The following PARD3 variants were observed in gnomAD, a reference collection of about 807,000 sequenced individuals.
PARD3 encodes the protein par-3 family cell polarity regulator, also known as partitioning defective 3 homolog.
PARD3 carries 75 observed loss-of-function variants against 155.4 expected under a neutral mutation model. The observed-to-expected ratio is 0.48, with a 90% CI of 0.40 to 0.58. PARD3 has a LOEUF of 0.58. Ranked by LOEUF, PARD3 falls within the 20% of genes least tolerant of loss-of-function variation. The pLI is 0.00. For synonymous variants in PARD3, 576 were observed against 610.5 expected (o/e 0.94, Z 0.83); for missense variants, 1,642 against 1,721.7 (o/e 0.95, Z 0.82).
chr10:34,254,434 C>T (rs1954539533), intron 22 of PARD3, among the ~76,000 whole-genome samples: 1 of 151,862 alleles, frequency 6.6e-6, no homozygotes, highest in Admixed American at 6.6e-5. Flanking sequence ...GATAAAGTTA[C>T]ATTTGTTATA....
At chr10:34,264,586 C>G (rs1005386497) in intron 22 of PARD3, among the ~76,000 whole-genome samples, 1 of 152,090 alleles carries the variant, frequency 6.6e-6, no homozygotes, top group Non-Finnish European at 1.5e-5. Flanking sequence ...CAAAATGAGT[C>G]AGCCCCATTT....
At chr10:34,655,456 C>T (rs1308953685) in intron 2 of PARD3, among the ~76,000 whole-genome samples, 1 of 152,088 alleles carries the variant, frequency 6.6e-6, no homozygotes, top group African/African-American at 2.4e-5. Context: ...GAGAGAAGTT[C>T]ATGACATCAC....
chr10:34,631,896 C>T (rs942215174), intron 2 of PARD3, among the ~76,000 whole-genome samples: 2 of 152,192 alleles, frequency 1.3e-5, no homozygotes, highest in East Asian at 1.9e-4. Flanking sequence ...CATGTCCAGC[C>T]GCCGCTGAGG....
At chr10:34,639,469 G>C (rs564738145) in intron 2 of PARD3, among the ~76,000 whole-genome samples, 1 of 152,166 alleles carries the variant, frequency 6.6e-6, no homozygotes, top group Non-Finnish European at 1.5e-5. Flanking sequence ...CATGCCCTAG[G>C]GCACATCCCC....
At chr10:34,446,467 A>G (rs1429380690) in intron 5 of PARD3, among the ~76,000 whole-genome samples, 1 of 152,164 alleles carries the variant, frequency 6.6e-6, no homozygotes, top group African/African-American at 2.4e-5. Flanking sequence ...TTGCTGGATG[A>G]GTAAACTGAT....
Position 34,496,221 on chromosome 10 carries a change from A to AG in PARD3, c.403+20757_403+20758insC, listed in dbSNP as rs532753063. On this transcript the variant is annotated intron_variant, in intron 3 of 24. Coordinates refer to ENST00000374788, the MANE Select transcript of PARD3 (RefSeq NM_001184785.2). ...CATGTCTCAAAAGGGAAGAAGAAGA[A>AG]AAAAAAAAAAGAAACAAAAACAAAA... Among the ~76,000 whole-genome samples, 186 of 149,380 alleles carry AG rather than the reference A, an allele frequency of 1.2e-3. 1 individual carries two copies. Among genetic ancestry groups the AG allele is most frequent in the African/African-American group, 4.2e-3 (171 of 40,928 alleles).
intron 22 of PARD3, among the ~76,000 whole-genome samples, chr10:34,134,092 G>C (rs1304057470): frequency 1.3e-5 from 2 of 152,222 alleles, no homozygotes; most frequent in Non-Finnish European, 2.9e-5. Flanking sequence ...TTTTGAGACA[G>C]GCAGGTTGTT....
Position 34,260,040 on chromosome 10 carries a change from G to A in PARD3, c.3419+9617C>T, listed in dbSNP as rs193009811. Among the ~76,000 whole-genome samples, 81 of 152,222 alleles carry A rather than the reference G, an allele frequency of 5.3e-4. No homozygotes were observed. In the East Asian group the frequency reaches 9.5e-3, roughly 18 times the overall value. On this transcript the variant is annotated intron_variant, in intron 22 of 24. Transcript: ENST00000374788. Reference sequence around the variant, plus strand: ...TTTTTTGTAGAGACGGGGTCTCACTGTGTTGCCCAGGCTGATTTCGAACTC... The same window carrying A: ...TTTTTTGTAGAGACGGGGTCTCACTATGTTGCCCAGGCTGATTTCGAACTC...
chr10:34,526,509 C>T (rs2082495717), intron 2 of PARD3, among the ~76,000 whole-genome samples: 1 of 152,206 alleles, frequency 6.6e-6, no homozygotes, highest in Non-Finnish European at 1.5e-5. Context: ...GGTGAGTCCA[C>T]AAAAACAGAG....
Position 34,697,949 on chromosome 10 carries a change from C to A in PARD3, c.121-1530G>T, listed in dbSNP as rs562507531. 2.6e-5 allele frequency among the ~76,000 whole-genome samples: 4 copies of A among 152,128 alleles called. No individual in the cohort carries two copies. The South Asian group carries it at 6.3e-4, about 24-fold the overall frequency. Reference sequence around the variant, plus strand: ...GTCCCCAAAGAATGAAGTCCCAAAACCATTTACTGATGGTAAATGGTATTT... The same window carrying A: ...GTCCCCAAAGAATGAAGTCCCAAAAACATTTACTGATGGTAAATGGTATTT... On this transcript the variant is annotated intron_variant, in intron 1 of 24. Coordinates refer to ENST00000374788, the MANE Select transcript of PARD3 (RefSeq NM_001184785.2).
rs559800604 is a variant in PARD3 at position 34,499,143 on chromosome 10, CT to C, written c.403+17835del. 5.8e-4 allele frequency among the ~76,000 whole-genome samples: 86 copies of C among 148,782 alleles called. 1 individual carries two copies. In the South Asian group the frequency reaches 0.011, roughly 19 times the overall value. ...AGATTTTTTTCTCTAAGTACATGTT[CT>C]TTTTTTTTTAAGTTGATAAGGAATA... On this transcript the variant is annotated intron_variant, in intron 3 of 24. Coordinates refer to ENST00000374788, the MANE Select transcript of PARD3 (RefSeq NM_001184785.2).
chr10:34,534,159 G>A (rs919404999), intron 2 of PARD3, among the ~76,000 whole-genome samples: 1 of 151,638 alleles, frequency 6.6e-6, no homozygotes, highest in African/African-American at 2.4e-5. Flanking sequence ...CCAGCTACTC[G>A]GGAGGCTGAG....
intron 22 of PARD3, among the ~76,000 whole-genome samples, chr10:34,221,290 T>C (rs1222739130): frequency 1.3e-5 from 2 of 152,102 alleles, no homozygotes; most frequent in East Asian, 3.9e-4. Context: ...TGACACCCTA[T>C]GAGCGCAAGC....
intron 2 of PARD3, among the ~76,000 whole-genome samples, chr10:34,582,471 T>TATCC (rs1434437203): frequency 6.6e-6 from 1 of 152,234 alleles, no homozygotes; most frequent in Non-Finnish European, 1.5e-5. Flanking sequence ...TGCTCACCAA[T>TATCC]ATCCTCTTGT....
chr10:34,600,212 G>A (rs560714488), intron 2 of PARD3, among the ~76,000 whole-genome samples: 53 of 151,610 alleles, frequency 3.5e-4, no homozygotes, highest in African/African-American at 1.2e-3. Flanking sequence ...CAAACGTGGT[G>A]TCACCAGCCG....
At chr10:34,280,624 C>T (rs1829029262) in intron 21 of PARD3, among the ~76,000 whole-genome samples, 1 of 152,136 alleles carries the variant, frequency 6.6e-6, no homozygotes, top group African/African-American at 2.4e-5. Flanking sequence ...TAAACTTGCT[C>T]GCAGTTCTGG....
At position 34,696,391 on chromosome 10, in the gene PARD3, C is replaced by T. The variant is rs202220870; in HGVS notation, c.149G>A (p.Arg50His). The T allele has an allele frequency of 1.3e-5, 21 of 1,610,672 alleles. No individual in the cohort carries two copies. In the East Asian group the frequency reaches 1.3e-4, roughly 10 times the overall value. ...TATTCCTCCATCTCCATGTTCCAAG[C>T]GATGCACCTGTATCCAGTAGTTTGG... is the stretch of plus-strand genomic sequence containing the variant. ...KDPNYWIQVHRLEHGDGGILD... is the reference protein window; with the variant it reads ...KDPNYWIQVHHLEHGDGGILD... Residue 50 changes from arginine (R) to histidine (H), a missense_variant, in exon 2 of 25, where the codon CGC becomes CAC. By Grantham distance (29) the Arg-to-His change is conservative. This residue lies in a region of PARD3 where 38 missense variants were observed against 69.1 expected (regional missense o/e 0.55). Transcript: ENST00000374788.
intron 1 of PARD3, among the ~76,000 whole-genome samples, chr10:34,701,834 G>A (rs3002035): frequency 0.59 from 89,250 of 151,904 alleles, 27,626 homozygotes; most frequent in Non-Finnish European, 0.67. Context: ...CCAGGGGTTC[G>A]AGGCTACAGT....
chr10:34,532,454 G>A (rs966886947), intron 2 of PARD3, among the ~76,000 whole-genome samples: 4 of 152,076 alleles, frequency 2.6e-5, no homozygotes, highest in African/African-American at 4.8e-5. Flanking sequence ...GGCTCATCAC[G>A]TGTTTTCTTT....
Sources: gnomAD v4.1 joint callset for allele counts (sites outside exome capture counted in the v4.1 genomes callset) on GRCh38, gnomAD v4.1.1 for gene constraint, gnomAD v4.1.1 regional missense constraint, MANE v1.5 for transcripts, NCBI Gene and HGNC (gene_info 2026-07-23, HGNC 2026-07-21) for gene names.